The following ERBB4 variants were observed in gnomAD, a reference collection of about 807,000 sequenced individuals.
ERBB4 encodes receptor tyrosine-protein kinase erbB-4.
Under a neutral mutation model 158.0 loss-of-function variants are expected in ERBB4, and 42 were observed. The observed-to-expected ratio is 0.27, with a 90% confidence interval of 0.21 to 0.34. ERBB4 has a LOEUF of 0.34. Among genes scored for constraint, ERBB4 ranks in the 10% least tolerant of loss-of-function variants. ERBB4 has a pLI of 1.00. For synonymous variants in ERBB4, 583 were observed against 558.7 expected, an observed-to-expected ratio of 1.04 and a Z score of -0.61; for missense variants, 1,333 against 1,624.1, an observed-to-expected ratio of 0.82 and a Z score of 3.08.
At chr2:212,409,442 T>G (rs1047248272) in intron 1 of ERBB4, among the ~76,000 whole-genome samples, 8 of 152,168 alleles carry the variant, frequency 5.3e-5, no homozygotes, top group African/African-American at 1.9e-4. Flanking sequence ...CTACCCAATC[T>G]TTAAATTCTA....
intron 3 of ERBB4, among the ~76,000 whole-genome samples, chr2:211,855,896 A>G (rs1481229774): frequency 6.6e-6 from 1 of 152,230 alleles, no homozygotes; most frequent in South Asian, 2.1e-4. Flanking sequence ...TGCAGATAAG[A>G]TACTTATGTA....
intron 2 of ERBB4, among the ~76,000 whole-genome samples, chr2:211,997,346 A>G (rs2125270280): frequency 6.6e-6 from 1 of 151,704 alleles, no homozygotes; most frequent in Non-Finnish European, 1.5e-5. Context: ...AGTAACTTTC[A>G]CTTGTTAAAA....
intron 16 of ERBB4, among the ~76,000 whole-genome samples, chr2:211,631,521 T>C (rs2070131736): frequency 6.6e-6 from 1 of 152,216 alleles, no homozygotes; most frequent in Admixed American, 6.5e-5. Flanking sequence ...TAAGAAGAGA[T>C]TGATTGGAAA....
chr2:211,853,471 C>T (rs1454611795), intron 3 of ERBB4, among the ~76,000 whole-genome samples: 1 of 151,988 alleles, frequency 6.6e-6, no homozygotes, highest in African/African-American at 2.4e-5. Flanking sequence ...CTGTTGATAA[C>T]CTCTGGCAGA....
intron 20 of ERBB4, among the ~76,000 whole-genome samples, chr2:211,560,262 CTTTTTTTTTTTTTT>C (rs769707072): frequency 2.2e-5 from 1 of 46,286 alleles, no homozygotes; most frequent in Non-Finnish European, 4.1e-5. Flanking sequence ...TGAAGCTTAG[CTTTTTTTTTTTTTT>C]TTTTTTTTTT....
intron 8 of ERBB4, among the ~76,000 whole-genome samples, chr2:211,713,090 C>G (rs114659126): frequency 6.6e-6 from 1 of 152,118 alleles, no homozygotes; most frequent in Non-Finnish European, 1.5e-5. Flanking sequence ...TCATAGATCT[C>G]ATCTTTCAAA....
chr2:212,144,065 A>G (rs1388197132), intron 1 of ERBB4, among the ~76,000 whole-genome samples: 2 of 152,094 alleles, frequency 1.3e-5, no homozygotes, highest in Non-Finnish European at 2.9e-5. Context: ...AAAGTAAACT[A>G]GAAATAGATC....
rs370043545 is a variant in ERBB4 at position 211,890,255 on chromosome 2, A to G, written c.421+57175T>C. On this transcript the variant is annotated intron_variant, in intron 3 of 27. Transcript: ENST00000342788. ...AAGAGAGTGGGGGCCAATATTCAAC[A>G]TTCTTAAAGAAAAGAATTTTCAACC... Among the ~76,000 whole-genome samples, 103 of 103,898 alleles carry G rather than the reference A, an allele frequency of 9.9e-4. No individual in the cohort carries two copies. In the East Asian group the frequency reaches 0.023, roughly 23 times the overall value. The allele number at this position is 103,898 out of a possible 152,430, so 68.2% of individuals were successfully genotyped here.
At chr2:212,160,719 C>T (rs2081178749) in intron 1 of ERBB4, among the ~76,000 whole-genome samples, 2 of 151,936 alleles carry the variant, frequency 1.3e-5, no homozygotes, top group South Asian at 4.1e-4. Flanking sequence ...GAGAATTTAA[C>T]TCTTCATGAA....
chr2:211,607,671 C>G (rs367692416), intron 19 of ERBB4, among the ~76,000 whole-genome samples: 1 of 151,844 alleles, frequency 6.6e-6, no homozygotes, highest in Non-Finnish European at 1.5e-5. Context: ...AAGCAACAGG[C>G]ACCAAAAAGA....
intron 5 of ERBB4, among the ~76,000 whole-genome samples, chr2:211,730,876 T>C (rs2074406057): frequency 6.6e-6 from 1 of 152,024 alleles, no homozygotes; most frequent in African/African-American, 2.4e-5. Context: ...TTCTAACCAA[T>C]GGGAGAAATG....
intron 25 of ERBB4, among the ~76,000 whole-genome samples, chr2:211,400,697 T>G (rs1016445172): frequency 2.0e-5 from 3 of 151,542 alleles, no homozygotes; most frequent in African/African-American, 7.3e-5. Context: ...ATAGAGTAAA[T>G]AAGATCTAGT....
At chr2:211,975,691 T>C (rs1418523062) in intron 2 of ERBB4, among the ~76,000 whole-genome samples, 1 of 152,226 alleles carries the variant, frequency 6.6e-6, no homozygotes, top group Admixed American at 6.5e-5. Flanking sequence ...TGAGAATTTA[T>C]GCCTCATTAC....
chr2:212,498,831 T>G (rs968374115), intron 1 of ERBB4, among the ~76,000 whole-genome samples: 1 of 151,924 alleles, frequency 6.6e-6, no homozygotes, highest in Non-Finnish European at 1.5e-5. Context: ...AGTGGTCTAA[T>G]GAAGGAGAAG....
In ERBB4 at chr2:211,856,691, C is replaced by T. The variant is rs184404986; in HGVS notation, c.422-68532G>A. Among the ~76,000 whole-genome samples, 103 of 152,146 alleles carry T rather than the reference C, an allele frequency of 6.8e-4. 1 individual carries two copies. The highest frequency in any genetic ancestry group is 2.4e-3 in the African/African-American group (100 of 41,536). On this transcript the variant is annotated intron_variant, in intron 3 of 27. Coordinates refer to ENST00000342788, the MANE Select transcript of ERBB4 (RefSeq NM_005235.3). ...CGTGAGCCACTGCGCCCAGCCTAGT[C>T]TTGTAATTTCTTTCTAGTCTGGAGG...
chr2:212,294,137 C>T (rs72945697), intron 1 of ERBB4, among the ~76,000 whole-genome samples: 25,216 of 151,898 alleles, frequency 0.17, 2,277 homozygotes, highest in South Asian at 0.3. Flanking sequence ...TCCAAGGATA[C>T]CATTTCTGTT....
chr2:212,191,742 ACATATAACACGTGTTATACATGT>A (rs2082233058), intron 1 of ERBB4, among the ~76,000 whole-genome samples: 2 of 145,800 alleles, frequency 1.4e-5, no homozygotes, highest in Admixed American at 1.4e-4. Flanking sequence ...TATACATGTT[ACATATAACACGTGTTATACATGT>A]TATATATAAC....
At chr2:211,435,283 T>C (rs1245210662) in intron 20 of ERBB4, among the ~76,000 whole-genome samples, 4 of 152,166 alleles carry the variant, frequency 2.6e-5, no homozygotes, top group Non-Finnish European at 4.4e-5. Context: ...TTGAGTAAAT[T>C]AGGAGAAGAA....
chr2:211,788,298 A>C, intron 3 of ERBB4, 139 bp from the exon 4 acceptor site: 8 of 662,086 alleles, frequency 1.2e-5, no homozygotes, highest in Non-Finnish European at 2.1e-5. Flanking sequence ...ATCTTTTAAA[A>C]TATCTTTCAA....
Sources: allele counts gnomAD v4.1 joint callset (sites outside exome capture counted in the v4.1 genomes callset), GRCh38; gene constraint gnomAD v4.1.1; transcripts MANE v1.5; gene names NCBI Gene and HGNC (gene_info 2026-07-23, HGNC 2026-07-21).